Variants in ADRA1B observed in about 807,000 individuals in gnomAD.
ADRA1B encodes the protein adrenoceptor alpha 1B.
Under a neutral mutation model 17.9 loss-of-function variants are expected in ADRA1B, and 17 were observed. The ratio of observed to expected loss-of-function variants is 0.95; its 90% CI spans 0.65 to 1.42. ADRA1B has a LOEUF of 1.42. Ranked by LOEUF, ADRA1B falls within the 40% of genes most tolerant of loss-of-function variation. The pLI, the probability that ADRA1B is intolerant of heterozygous loss-of-function variation, is 0.00. For synonymous variants in ADRA1B, 366 were observed against 327.6 expected (o/e 1.12, Z -1.27); for missense variants, 681 against 722.1 (o/e 0.94, Z 0.65).
chr5:159,927,381 GCACACACACACACACACA>G (rs59807316), intron 1 of ADRA1B, among the ~76,000 whole-genome samples: 6 of 140,736 alleles, frequency 4.3e-5, no homozygotes, highest in African/African-American at 8.0e-5. Flanking sequence ...ATTAAAACAT[GCACACACACACACACACA>G]CACACACACA....
chr5:159,914,380 TC>T (rs1754257431), upstream of ADRA1B, among the ~76,000 whole-genome samples: 1 of 152,108 alleles, frequency 6.6e-6, no homozygotes, highest in Admixed American at 6.6e-5. Context: ...CTCCTGACCA[TC>T]TTGCCAAGTC....
At chr5:159,904,381 G>T (rs1754137209) in intron 1 of ADRA1B, among the ~76,000 whole-genome samples, 3 of 152,192 alleles carry the variant, frequency 2.0e-5, no homozygotes, top group Non-Finnish European at 2.9e-5. Context: ...AAAAAGTGTG[G>T]ATAAGCTAGG....
chr5:159,896,643 A>G (rs1754044031), intron 1 of ADRA1B, among the ~76,000 whole-genome samples: 1 of 152,238 alleles, frequency 6.6e-6, no homozygotes, highest in Admixed American at 6.5e-5. Flanking sequence ...TGTGAAGAGC[A>G]TATTAGGTCC....
At chr5:159,906,366 A>G (rs1754161098) in intron 1 of ADRA1B, among the ~76,000 whole-genome samples, 1 of 152,220 alleles carries the variant, frequency 6.6e-6, no homozygotes. Flanking sequence ...AACCCTCTAT[A>G]TGAAACATTC....
At chr5:159,933,082 A>T (rs1754858803) in intron 1 of ADRA1B, among the ~76,000 whole-genome samples, 1 of 152,212 alleles carries the variant, frequency 6.6e-6, no homozygotes, top group Non-Finnish European at 1.5e-5. Context: ...CATTTCAATA[A>T]CTGACATTTG....
intron 1 of ADRA1B, chr5:159,950,932 G>T (rs570494099): frequency 1.5e-4 from 84 of 568,284 alleles, no homozygotes; most frequent in African/African-American, 1.2e-3. Context: ...TCCCAGAGAG[G>T]CCATCCACAA....
intron 1 of ADRA1B, among the ~76,000 whole-genome samples, chr5:159,872,223 C>A (rs1186173567): frequency 6.6e-6 from 1 of 152,072 alleles, no homozygotes; most frequent in Non-Finnish European, 1.5e-5. Flanking sequence ...CACATGTGGC[C>A]TTTTGAGTGT....
Position 159,934,943 on chromosome 5 carries a change from G to A in ADRA1B, c.949+17089G>A, listed in dbSNP as rs528408341. On this transcript the variant is annotated intron_variant, in intron 1 of 1. Coordinates refer to ENST00000306675, the MANE Select transcript of ADRA1B (RefSeq NM_000679.4). ...AAATCATCAACCTCAAAGAATTGTA[G>A]TGAGGAATAAACAAGAAACGGATGA... is the stretch of plus-strand genomic sequence containing the variant. 2.0e-5 allele frequency among the ~76,000 whole-genome samples: 3 copies of A among 152,214 alleles called. No homozygotes were observed. The East Asian group carries it at 5.8e-4, about 29-fold the overall frequency.
At chr5:159,953,544 G>A (rs1285567490) in intron 1 of ADRA1B, among the ~76,000 whole-genome samples, 1 of 152,192 alleles carries the variant, frequency 6.6e-6, no homozygotes, top group Non-Finnish European at 1.5e-5. Flanking sequence ...CAGCACTGGG[G>A]TGTGGAAGGG....
chr5:159,983,979 G>A, the ADRA1B span, among the ~76,000 whole-genome samples: 1 of 151,916 alleles, frequency 6.6e-6, no homozygotes, highest in Admixed American at 6.6e-5. Context: ...GTCATTAAGG[G>A]CCTTGATGCT....
At position 159,916,879 on chromosome 5, in the gene ADRA1B, C is replaced by G; in HGVS notation, c.-27C>G. 1.3e-6 allele frequency: 2 copies of G among 1,577,014 alleles called. No homozygotes were observed. The highest frequency in any genetic ancestry group is 1.2e-5 in the South Asian group (1 of 85,260). ...GCAGCCCTTCCGAGCCCAATCATCC[C>G]CCTGGCTATGGAGGGCGGACTCTAA... is the stretch of plus-strand genomic sequence containing the variant. On this transcript the variant is annotated 5_prime_UTR_variant, in exon 1 of 2. Transcript: ENST00000306675.
At chr5:159,957,447 G>A (rs57624500) in intron 1 of ADRA1B, among the ~76,000 whole-genome samples, 1 of 150,330 alleles carries the variant, frequency 6.7e-6, no homozygotes, top group East Asian at 2.0e-4. Flanking sequence ...GGAGGCTGCA[G>A]TGAGCTGAGA....
intron 1 of ADRA1B, among the ~76,000 whole-genome samples, chr5:159,925,948 A>G (rs1020148994): frequency 6.6e-6 from 1 of 152,050 alleles, no homozygotes; most frequent in Non-Finnish European, 1.5e-5. Context: ...GGGAAGCCCT[A>G]AGGCTACTCT....
chr5:159,881,185 A>T, intron 1 of ADRA1B, among the ~76,000 whole-genome samples: 1 of 122,052 alleles, frequency 8.2e-6, no homozygotes, highest in East Asian at 2.0e-4. Flanking sequence ...CGTCTCAAAA[A>T]AAAAAAAAAA....
chr5:159,912,896 T>C (rs1754242298), upstream of ADRA1B, among the ~76,000 whole-genome samples: 1 of 152,232 alleles, frequency 6.6e-6, no homozygotes, highest in African/African-American at 2.4e-5. Flanking sequence ...GTTAGGTTAT[T>C]GTTTGCTTGG....
chr5:159,966,515 G>C (rs753052525), intron 1 of ADRA1B, among the ~76,000 whole-genome samples: 1 of 152,202 alleles, frequency 6.6e-6, no homozygotes, highest in Non-Finnish European at 1.5e-5. Context: ...CCTGTCAGAA[G>C]TCACTGAGGA....
chr5:159,931,589 T>C (rs1271061851), intron 1 of ADRA1B, among the ~76,000 whole-genome samples: 1 of 152,078 alleles, frequency 6.6e-6, no homozygotes. Flanking sequence ...AAAGGAAAAA[T>C]CATCCATAAT....
At chr5:159,928,803 T>C (rs1225025369) in intron 1 of ADRA1B, among the ~76,000 whole-genome samples, 2 of 152,076 alleles carry the variant, frequency 1.3e-5, no homozygotes, top group Non-Finnish European at 2.9e-5. Flanking sequence ...GCCCCAGGGC[T>C]CACACCACCA....
chr5:159,977,406 G>C (rs1319238316), downstream of ADRA1B, among the ~76,000 whole-genome samples: 4 of 152,166 alleles, frequency 2.6e-5, no homozygotes, highest in Admixed American at 1.3e-4. Context: ...ATCAAAGGTA[G>C]AGGGTGGCCC....
Sources: gnomAD v4.1 joint callset for allele counts (sites outside exome capture counted in the v4.1 genomes callset) on GRCh38, gnomAD v4.1.1 for gene constraint, MANE v1.5 for transcripts, NCBI Gene and HGNC (gene_info 2026-07-23, HGNC 2026-07-21) for gene names.